Variants in ZFR observed in about 807,000 individuals in gnomAD.
ZFR encodes zinc finger RNA binding protein.
ZFR carries 19 observed loss-of-function variants against 130.7 expected under a neutral mutation model. The ratio of observed to expected loss-of-function variants is 0.15; its 90% CI spans 0.10 to 0.21. The LOEUF (loss-of-function observed/expected upper bound fraction) is 0.21, where lower values mean the gene tolerates loss of function less well. Among genes scored for constraint, ZFR ranks in the 10% least tolerant of loss-of-function variants. The probability of loss-of-function intolerance (pLI) is 1.00; values close to 1 mark genes in which losing one functional copy is unlikely to be tolerated. For synonymous variants in ZFR, 466 were observed against 456.9 expected, an observed-to-expected ratio of 1.02 and a Z score of -0.25; for missense variants, 872 against 1,321.5, an observed-to-expected ratio of 0.66 and a Z score of 5.27.
intron 17 of ZFR, among the ~76,000 whole-genome samples, chr5:32,365,864 CCT>C (rs1162001946): frequency 2.6e-5 from 4 of 152,228 alleles, no homozygotes; most frequent in Middle Eastern, 3.4e-3. Flanking sequence ...CCTCCCAAAG[CCT>C]TGGGATTACA....
At chr5:32,433,376 G>A (rs1172508945) in intron 2 of ZFR, among the ~76,000 whole-genome samples, 1 of 152,110 alleles carries the variant, frequency 6.6e-6, no homozygotes, top group Non-Finnish European at 1.5e-5. Flanking sequence ...TGACTTCAAA[G>A]GTATATGGAC....
intron 2 of ZFR, among the ~76,000 whole-genome samples, chr5:32,435,794 T>C (rs1754318920): frequency 6.6e-6 from 1 of 152,234 alleles, no homozygotes; most frequent in African/African-American, 2.4e-5. Flanking sequence ...TTTCATTTGA[T>C]TGATTTCAAC....
chr5:32,444,405 G>T, intron 1 of ZFR, 77 bp from the exon 2 acceptor site: 1 of 1,478,568 alleles, frequency 6.8e-7, no homozygotes, highest in Non-Finnish European at 9.1e-7. Flanking sequence ...GGGAGGGCAG[G>T]GAGAGAAAGA....
chr5:32,363,900 C>T, intron 19 of ZFR, 48 bp downstream of exon 19: 1 of 1,491,056 alleles, frequency 6.7e-7, no homozygotes. Flanking sequence ...AAAAATAAAA[C>T]CTTAATGGAG....
At chr5:32,405,312 G>T (rs1352718024) in intron 6 of ZFR, among the ~76,000 whole-genome samples, 1 of 152,140 alleles carries the variant, frequency 6.6e-6, no homozygotes, top group African/African-American at 2.4e-5. Context: ...CTGCAATCTT[G>T]GCCCCCAAAA....
chr5:32,361,618 C>CTTT (rs1194868463), intron 19 of ZFR, among the ~76,000 whole-genome samples: 7 of 134,026 alleles, frequency 5.2e-5, no homozygotes, highest in South Asian at 2.4e-4. Context: ...TCAGCCTATT[C>CTTT]TTTTTTTTTT....
chr5:32,391,853 C>G (rs1205901193), intron 11 of ZFR, among the ~76,000 whole-genome samples: 1 of 151,898 alleles, frequency 6.6e-6, no homozygotes, highest in Non-Finnish European at 1.5e-5. Context: ...CCCACCTCAG[C>G]CCCCCAAGCA....
At chr5:32,378,424 G>A (rs1752871164) in intron 17 of ZFR, among the ~76,000 whole-genome samples, 1 of 152,088 alleles carries the variant, frequency 6.6e-6, no homozygotes, top group Non-Finnish European at 1.5e-5. Flanking sequence ...TAAAAAAAAA[G>A]AACTAAGGTA....
At chr5:32,367,726 G>C (rs1028718864) in intron 17 of ZFR, among the ~76,000 whole-genome samples, 2 of 152,078 alleles carry the variant, frequency 1.3e-5, no homozygotes, top group African/African-American at 4.8e-5. Flanking sequence ...TGAGCCACTG[G>C]ACCCAGCCTT....
intron 2 of ZFR, among the ~76,000 whole-genome samples, chr5:32,436,342 G>A (rs1174927552): frequency 6.6e-6 from 1 of 151,138 alleles, no homozygotes; most frequent in Non-Finnish European, 1.5e-5. Context: ...TAGTAGACAC[G>A]TGGTTTCACC....
intron 10 of ZFR, among the ~76,000 whole-genome samples, chr5:32,396,046 AC>A (rs1165623104): frequency 1.3e-5 from 2 of 151,940 alleles, no homozygotes; most frequent in Non-Finnish European, 2.9e-5. Context: ...ACATGGTGAA[AC>A]GTTCTCTAGA....
chr5:32,360,551 G>A (rs908617877), intron 19 of ZFR, among the ~76,000 whole-genome samples: 4 of 152,116 alleles, frequency 2.6e-5, no homozygotes, highest in Non-Finnish European at 5.9e-5. Context: ...GACTGTATTT[G>A]TTTATTCACC....
chr5:32,371,972 A>G (rs988349608), intron 17 of ZFR, among the ~76,000 whole-genome samples: 4 of 152,222 alleles, frequency 2.6e-5, no homozygotes, highest in Non-Finnish European at 5.9e-5. Flanking sequence ...AAATAGGTTC[A>G]GGAAACAAAT....
rs1753031555 is a variant in ZFR at position 32,385,778 on chromosome 5, C to T, written c.2500-129G>A. On this transcript the variant is annotated intron_variant, in intron 14 of 19. Transcript: ENST00000265069. ...TATGAGGACCAGATTATATACTGCT[C>T]CTTCTAGGAAGCCCTGCCGTACATG... 4.3e-6 allele frequency: 4 copies of T among 934,744 alleles called. No homozygotes were observed. The East Asian group carries it at 7.8e-5, about 18-fold the overall frequency. 57.9% of individuals were successfully genotyped at this position (934,744 alleles called of 1,614,324 possible). A position where few individuals can be genotyped will look rare whatever the true frequency, so the allele number is the denominator to read the frequency against.
In ZFR at chr5:32,443,286, T is replaced by C. The variant is rs542621345; in HGVS notation, c.137+943A>G. Among the ~76,000 whole-genome samples, 49 of 152,356 alleles carry C rather than the reference T, an allele frequency of 3.2e-4. 1 individual carries two copies. On this transcript the variant is annotated intron_variant, in intron 2 of 19. Coordinates refer to ENST00000265069, the MANE Select transcript of ZFR (RefSeq NM_016107.5). ...ACAATTTAACAATCCACTGTTGTGTTTGTCTTTGGTAAGATGTATAATGAA... is the reference window on the plus strand; with the variant it reads ...ACAATTTAACAATCCACTGTTGTGTCTGTCTTTGGTAAGATGTATAATGAA...
chr5:32,437,945 C>A (rs1169547847), intron 2 of ZFR, among the ~76,000 whole-genome samples: 3 of 152,114 alleles, frequency 2.0e-5, no homozygotes, highest in Non-Finnish European at 4.4e-5. Flanking sequence ...TCACTATATA[C>A]ATTAAAATCC....
chr5:32,403,184 T>C lies in ZFR; in HGVS notation c.1438A>G (p.Thr480Ala). 1.2e-6 allele frequency: 2 copies of C among 1,614,210 alleles called. No homozygotes were observed. Among genetic ancestry groups the C allele is most frequent in the African/African-American group, 1.3e-5 (1 of 75,058 alleles). The change falls in exon 8 of 20, where the codon ACA becomes GCA. Residue 480 changes from threonine (T) to alanine (A), a missense_variant. Around this residue, in one of 7 missense-constraint regions of ZFR, gnomAD observed 143 missense variants for 137.9 expected, o/e 1.04. Transcript: ENST00000265069. ...ACTGCTGATACTTTAGTGTTAGATGTGCTATTAAGAGACGAGTTTCCTGTA... is the reference window on the plus strand; with the variant it reads ...ACTGCTGATACTTTAGTGTTAGATGCGCTATTAAGAGACGAGTTTCCTGTA... ...TTTGNSSLNS[T>A]SNTKVSAVPT...
intron 3 of ZFR, among the ~76,000 whole-genome samples, chr5:32,418,033 G>A (rs538089442): frequency 3.3e-5 from 5 of 152,260 alleles, no homozygotes; most frequent in Admixed American, 1.3e-4. Flanking sequence ...GGCCAAGCCG[G>A]GCGGATCATG....
intron 5 of ZFR, among the ~76,000 whole-genome samples, chr5:32,411,306 CAAAG>C (rs976279088): frequency 6.6e-6 from 1 of 152,146 alleles, no homozygotes; most frequent in Non-Finnish European, 1.5e-5. Flanking sequence ...GTGTGAGCCT[CAAAG>C]AGAGAAATGA....
Sources: gnomAD v4.1 joint callset for allele counts (sites outside exome capture counted in the v4.1 genomes callset) on GRCh38, gnomAD v4.1.1 for gene constraint, gnomAD v4.1.1 regional missense constraint, MANE v1.5 for transcripts, NCBI Gene and HGNC (gene_info 2026-07-23, HGNC 2026-07-21) for gene names.